TBC1D23: variants seen among roughly 807,000 people sequenced by gnomAD.
TBC1D23 encodes HCV non-structural protein 4A-transactivated protein 1.
Under a neutral mutation model 91.4 loss-of-function variants are expected in TBC1D23, and 55 were observed. The observed-to-expected ratio is 0.60, with a 90% CI of 0.48 to 0.75. TBC1D23 has a LOEUF of 0.75. TBC1D23 is among the 30% of genes least tolerant of loss of function. The pLI, the probability that TBC1D23 is intolerant of heterozygous loss-of-function variation, is 0.00. For synonymous variants in TBC1D23, 289 were observed against 281.0 expected (o/e 1.03, Z -0.28); for missense variants, 725 against 836.1 (o/e 0.87, Z 1.64).
chr3:100,312,850 C>A (rs780626970), intron 15 of TBC1D23, among the ~76,000 whole-genome samples: 3 of 151,958 alleles, frequency 2.0e-5, no homozygotes, highest in African/African-American at 4.8e-5. Flanking sequence ...AATAATACTT[C>A]ACTCTCTAAG....
rs772195165 is a variant in TBC1D23 at position 100,323,697 on chromosome 3, T to G, written c.*29T>G. ...AAAAGAAAATTATATAAAAAGAAAT[T>G]AAGACAACCAAGAGAAACATGGACA... On this transcript the variant is annotated 3_prime_UTR_variant, in exon 19 of 19. Transcript: ENST00000394144. 16 of 1,248,644 alleles carry G rather than the reference T, an allele frequency of 1.3e-5. No individual in the cohort carries two copies. Among genetic ancestry groups the G allele is most frequent in the Middle Eastern group, 2.8e-4 (1 of 3,558 alleles). 77.3% of individuals were successfully genotyped at this position (1,248,644 alleles called of 1,614,324 possible). A position where few individuals can be genotyped will look rare whatever the true frequency, so the allele number is the denominator to read the frequency against.
intron 5 of TBC1D23, among the ~76,000 whole-genome samples, chr3:100,293,098 C>G (rs182838153): frequency 1.5e-5 from 2 of 134,974 alleles, no homozygotes; most frequent in Admixed American, 1.4e-4. Flanking sequence ...AGCTGATATG[C>G]CAGATAGTTT....
chr3:100,287,021 C>T (rs558291514), intron 4 of TBC1D23, among the ~76,000 whole-genome samples: 5 of 152,084 alleles, frequency 3.3e-5, no homozygotes, highest in African/African-American at 9.6e-5. Context: ...TACCATTGGC[C>T]AAACTGGTCT....
chr3:100,269,283 A>G (rs1176479538), intron 1 of TBC1D23, among the ~76,000 whole-genome samples: 5 of 152,350 alleles, frequency 3.3e-5, no homozygotes, highest in African/African-American at 9.6e-5. Context: ...CATTATTCAT[A>G]AGGGAATCTC....
chr3:100,292,993 A>G (rs1311377492), intron 5 of TBC1D23, among the ~76,000 whole-genome samples: 3 of 152,188 alleles, frequency 2.0e-5, no homozygotes, highest in South Asian at 4.1e-4. Flanking sequence ...GCATTTTAAT[A>G]ATAGAGGTCT....
chr3:100,275,911 C>T (rs929705197), intron 1 of TBC1D23, among the ~76,000 whole-genome samples: 3 of 151,880 alleles, frequency 2.0e-5, no homozygotes, highest in African/African-American at 7.3e-5. Context: ...GCATAAAGGC[C>T]ACACATTATA....
chr3:100,310,438 G>C lies in TBC1D23; in HGVS notation c.1449G>C (p.Met483Ile). 6.2e-7 allele frequency: 1 copy of C among 1,612,768 alleles called. No homozygotes were observed. Among genetic ancestry groups the C allele is most frequent in the East Asian group, 2.2e-5 (1 of 44,804 alleles). ...ESPNGSSDRG[M>I]KSLVNKMTVA... ...CTAATGGCTCAAGTGATAGAGGAAT[G>C]AAATCACTAGTAAATAAAATGACTG... is the stretch of plus-strand genomic sequence containing the variant. Residue 483 changes from methionine to isoleucine, a missense_variant, in exon 14 of 19, where the codon ATG (methionine) becomes ATC (isoleucine). Physicochemically the swap from Met to Ile is conservative, Grantham distance 10 (BLOSUM62 1). Transcript: ENST00000394144.
chr3:100,280,012 C>G (rs913496588), intron 2 of TBC1D23, among the ~76,000 whole-genome samples: 34 of 152,092 alleles, frequency 2.2e-4, no homozygotes, highest in Admixed American at 1.0e-3. Context: ...GGGCCAGGCA[C>G]AATGGCTCAT....
intron 1 of TBC1D23, among the ~76,000 whole-genome samples, chr3:100,279,015 A>G (rs1442294994): frequency 2.0e-5 from 3 of 152,188 alleles, no homozygotes; most frequent in South Asian, 4.1e-4. Context: ...ATTGAGCATA[A>G]TGTTAAGAAC....
At chr3:100,291,190 G>C (rs2067786957) in intron 5 of TBC1D23, among the ~76,000 whole-genome samples, 1 of 152,164 alleles carries the variant, frequency 6.6e-6, no homozygotes, top group Admixed American at 6.5e-5. Context: ...TTTTCAATGG[G>C]AAGTCTTACT....
intron 8 of TBC1D23, among the ~76,000 whole-genome samples, chr3:100,296,476 C>T (rs2067841861): frequency 6.6e-6 from 1 of 151,938 alleles, no homozygotes; most frequent in Admixed American, 6.6e-5. Context: ...TAGTAGAACG[C>T]ATCTTACCTC....
At chr3:100,286,979 G>A (rs2067749017) in intron 4 of TBC1D23, among the ~76,000 whole-genome samples, 1 of 149,560 alleles carries the variant, frequency 6.7e-6, no homozygotes, top group Admixed American at 6.7e-5. Context: ...CACACCCGGC[G>A]AATTTTTGTA....
Position 100,306,835 on chromosome 3 carries a change from A to G in TBC1D23, c.1413+292A>G, listed in dbSNP as rs1337532990. The stretch of plus-strand genomic sequence containing the variant: ...CTGTAGTTTGGTATCATGTAGTGAC[A>G]GTTTTATGTTCCAGCTTAAATATCA... On this transcript the variant is annotated intron_variant, in intron 13 of 18. Coordinates refer to ENST00000394144, the MANE Select transcript of TBC1D23 (RefSeq NM_001199198.3). Among the ~76,000 whole-genome samples, 29 of 152,226 alleles carry G rather than the reference A, an allele frequency of 1.9e-4. 1 individual carries two copies. The highest frequency in any genetic ancestry group is 1.8e-3 in the Admixed American group (28 of 15,286).
chr3:100,284,344 T>C (rs2067722227), intron 4 of TBC1D23, among the ~76,000 whole-genome samples: 1 of 151,438 alleles, frequency 6.6e-6, no homozygotes, highest in African/African-American at 2.4e-5. Context: ...AAATTAAAAA[T>C]TTCTAGAGTT....
chr3:100,276,480 A>G (rs2148852506), intron 1 of TBC1D23, among the ~76,000 whole-genome samples: 1 of 152,294 alleles, frequency 6.6e-6, no homozygotes, highest in African/African-American at 2.4e-5. Context: ...TGCATATTAA[A>G]TTTGGTAGTG....
intron 1 of TBC1D23, among the ~76,000 whole-genome samples, chr3:100,274,906 TTTG>T (rs148934047): frequency 0.25 from 35,586 of 141,716 alleles, 4,617 homozygotes; most frequent in Non-Finnish European, 0.3. Context: ...CCCCCCCCTT[TTTG>T]TTTATTCATT....
intron 13 of TBC1D23, 43 bp downstream of exon 13, chr3:100,306,586 C>T: frequency 8.1e-7 from 1 of 1,237,294 alleles, no homozygotes; most frequent in South Asian, 1.2e-5. Flanking sequence ...TGGATAAGTT[C>T]CCAGAAAAGG....
chr3:100,261,162 T>C, intron 1 of TBC1D23, 91 bp downstream of exon 1: 1 of 1,342,466 alleles, frequency 7.4e-7, no homozygotes, highest in Non-Finnish European at 1.1e-6. Context: ...GGCGTCGGCA[T>C]GGAACGGAGA....
intron 13 of TBC1D23, among the ~76,000 whole-genome samples, chr3:100,309,578 G>A (rs1043139363): frequency 1.3e-5 from 2 of 148,664 alleles, no homozygotes; most frequent in Non-Finnish European, 3.0e-5. Context: ...ACATATATGT[G>A]CAAGTATATC....
Sources: allele counts gnomAD v4.1 joint callset (sites outside exome capture counted in the v4.1 genomes callset), GRCh38; gene constraint gnomAD v4.1.1; transcripts MANE v1.5; gene names NCBI Gene and HGNC (gene_info 2026-07-23, HGNC 2026-07-21).